The following FAM120C variants were observed in gnomAD, a reference collection of about 807,000 sequenced individuals.
FAM120C encodes the protein family with sequence similarity 120 member C, also known as constitutive coactivator of PPAR-gamma-like protein 2.
In FAM120C, 14 loss-of-function variants were observed where a neutral mutation model predicts 71.2. That is an observed-to-expected ratio of 0.20 (90% CI 0.13 to 0.31). The LOEUF (loss-of-function observed/expected upper bound fraction) is 0.31. Ranked by LOEUF, FAM120C falls within the 10% of genes least tolerant of loss-of-function variation. The pLI, the probability that FAM120C is intolerant of heterozygous loss-of-function variation, is 1.00. For missense variants in FAM120C, 500 were observed against 879.0 expected (o/e 0.57, Z 5.45); for synonymous variants, 354 against 353.2 (o/e 1.00, Z -0.03).
rs782117997 is a variant in FAM120C at position 54,116,739 on chromosome X, G to C, written c.2118C>G (p.Thr706=). The change falls in exon 10 of 16, where the codon ACC becomes ACG. Residue 706 remains threonine (T), a synonymous_variant. Transcript: ENST00000375180. Reference sequence around the variant, plus strand: ...ATGTCAGTGCAGACACCAGCTCAGGGGTTTGAGGTGACTTCCCTTTATAGG... The same window carrying C: ...ATGTCAGTGCAGACACCAGCTCAGGCGTTTGAGGTGACTTCCCTTTATAGG... The part of the protein sequence containing the change: ...WSAYKGKSPQ[T]PELVSALTFR... 2.4e-5 allele frequency: 29 copies of C among 1,209,481 alleles called. No individual in the cohort carries two copies. In the Admixed American group the frequency reaches 3.3e-4, roughly 14 times the overall value.
intron 13 of FAM120C, among the ~76,000 whole-genome samples, chrX:54,084,857 T>C (rs1557121759): frequency 8.9e-6 from 1 of 111,965 alleles, no homozygotes. Context: ...CATATGTTTG[T>C]GTGTACATAT....
chrX:54,078,319 G>C (rs1029510286), intron 15 of FAM120C, among the ~76,000 whole-genome samples: 2 of 110,860 alleles, frequency 1.8e-5, no homozygotes, highest in Non-Finnish European at 3.8e-5. Flanking sequence ...GAATCGCGGT[G>C]AATTCACCAA....
intron 1 of FAM120C, among the ~76,000 whole-genome samples, chrX:54,176,432 C>CAAA (rs1197918401): frequency 1.6e-4 from 6 of 36,397 alleles, no homozygotes; most frequent in Non-Finnish European, 1.6e-4. Flanking sequence ...GACTCTGTCT[C>CAAA]AAAAAAAAAA....
At chrX:54,093,850 GAATTT>G (rs1161118523) in intron 10 of FAM120C, among the ~76,000 whole-genome samples, 1 of 111,468 alleles carries the variant, frequency 9.0e-6, no homozygotes, top group East Asian at 2.8e-4. Flanking sequence ...GGAATTTCCT[GAATTT>G]TAATGATGAC....
rs1557121282 is a variant in FAM120C, at chrX:54,081,449, T to C, written c.2851A>G (p.Ile951Val). 4.1e-6 allele frequency: 5 copies of C among 1,207,300 alleles called. No individual in the cohort carries two copies. Among genetic ancestry groups the C allele is most frequent in the South Asian group, 3.5e-5 (2 of 56,419 alleles). The change falls in exon 14 of 16, where the codon ATC becomes GTC. Residue 951 changes from isoleucine (I) to valine (V), a missense_variant. Coordinates refer to ENST00000375180, the MANE Select transcript of FAM120C (RefSeq NM_017848.6). ...TCCAGTTTTCCTCCTTGGGGTGGGATTGGATGGAGACCTGGCAAGATAGAA... is the reference window on the plus strand; with the variant it reads ...TCCAGTTTTCCTCCTTGGGGTGGGACTGGATGGAGACCTGGCAAGATAGAA... The part of the protein sequence containing the change: ...RSRGFAGLHP[I>V]PPQGGKLEIA...
At chrX:54,173,901 T>C (rs1557136305) in intron 1 of FAM120C, 1 of 358,045 alleles carries the variant, frequency 2.8e-6, no homozygotes, top group South Asian at 7.1e-5. Flanking sequence ...CTGGGTCCTC[T>C]GGCTCAAGGT....
At chrX:54,118,782 T>C (rs1283989265) in intron 9 of FAM120C, among the ~76,000 whole-genome samples, 1 of 61,778 alleles carries the variant, frequency 1.6e-5, no homozygotes, top group Non-Finnish European at 3.0e-5. Flanking sequence ...GTTACATATG[T>C]ATACATGTGC....
At chrX:54,138,527 A>G (rs1363307943) in intron 4 of FAM120C, among the ~76,000 whole-genome samples, 1 of 101,682 alleles carries the variant, frequency 9.8e-6, no homozygotes, top group Admixed American at 1.1e-4. Flanking sequence ...GAGTACATAT[A>G]AAGTTCAGGT....
chrX:54,118,803 C>T (rs1280713254), intron 9 of FAM120C, among the ~76,000 whole-genome samples: 4 of 54,086 alleles, frequency 7.4e-5, no homozygotes, highest in Admixed American at 5.5e-4. Context: ...CATGCTGGTG[C>T]GCTGCACCCA....
chrX:54,133,662 T>C (rs1274728423), intron 8 of FAM120C, 111 bp downstream of exon 8: 1 of 909,102 alleles, frequency 1.1e-6, no homozygotes, highest in African/African-American at 2.0e-5. Context: ...GTGGCCTTCT[T>C]TTTCTAACTT....
chrX:54,084,968 T>C (rs1046533101), intron 13 of FAM120C, among the ~76,000 whole-genome samples: 1 of 111,372 alleles, frequency 9.0e-6, no homozygotes, highest in Admixed American at 9.7e-5. Context: ...GGAAGGGAAA[T>C]GTGTCAAGTA....
At chrX:54,094,115 G>T (rs1044267469) in intron 10 of FAM120C, among the ~76,000 whole-genome samples, 5 of 91,635 alleles carry the variant, frequency 5.5e-5, no homozygotes, top group Non-Finnish European at 8.5e-5. Flanking sequence ...TTCTGAGACG[G>T]AGTCTCGCTC....
At position 54,182,860 on chromosome X, in the gene FAM120C, C is replaced by G. The variant is rs781868700; in HGVS notation, c.339G>C (p.Leu113=). ...CGTCCACCAGCACCCGGGCCCCGGG[C>G]AGCTGAGGGGGCGGCGGCGGCGGCA... is the stretch of plus-strand genomic sequence containing the variant. ...PPLPPPPPPQ[L]PGARVLVDAG... The change falls in exon 1 of 16, where the codon CTG becomes CTC. Residue 113 remains leucine, a synonymous_variant. Transcript: ENST00000375180. 8.7e-7 allele frequency: 1 copy of G among 1,145,640 alleles called. No homozygotes were observed. Among genetic ancestry groups the G allele is most frequent in the East Asian group, 3.1e-5 (1 of 31,979 alleles). 94.4% of individuals were successfully genotyped at this position (1,145,640 alleles called of 1,213,427 possible). A position where few individuals can be genotyped will look rare whatever the true frequency, so the allele number is the denominator to read the frequency against.
At chrX:54,080,351 T>C in intron 14 of FAM120C, 62 bp from the exon 15 acceptor site, 1 of 948,210 alleles carries the variant, frequency 1.1e-6, no homozygotes, top group Non-Finnish European at 1.5e-6. Context: ...CCCTTTTCAC[T>C]TGGTTAACTA....
intron 1 of FAM120C, among the ~76,000 whole-genome samples, chrX:54,173,095 A>T (rs186896560): frequency 8.9e-6 from 1 of 112,631 alleles, no homozygotes; most frequent in African/African-American, 3.2e-5. Flanking sequence ...ACTACTGCTT[A>T]AAAAAGCTTT....
At chrX:54,133,496 T>A (rs1202633920) in intron 8 of FAM120C, among the ~76,000 whole-genome samples, 3 of 111,900 alleles carry the variant, frequency 2.7e-5, no homozygotes, top group Admixed American at 9.5e-5. Context: ...CCTCTTAGAC[T>A]GTGTCCATCC....
intron 10 of FAM120C, among the ~76,000 whole-genome samples, chrX:54,108,048 A>T (rs1015963095): frequency 3.8e-5 from 4 of 105,264 alleles, no homozygotes; most frequent in African/African-American, 7.0e-5. Context: ...ACCAGCATTC[A>T]AACTAAGGTC....
At chrX:54,079,652 C>T (rs1395224710) in intron 15 of FAM120C, among the ~76,000 whole-genome samples, 2 of 110,761 alleles carry the variant, frequency 1.8e-5, no homozygotes, top group Non-Finnish European at 3.8e-5. Flanking sequence ...ACAAAATTAG[C>T]CGGGCGTGGT....
intron 1 of FAM120C, among the ~76,000 whole-genome samples, chrX:54,172,292 C>T (rs1450403456): frequency 8.9e-6 from 1 of 112,128 alleles, no homozygotes; most frequent in Non-Finnish European, 1.9e-5. Context: ...AGCCAATCAA[C>T]CTCCATGTCA....
Sources: gnomAD v4.1 joint callset for allele counts (sites outside exome capture counted in the v4.1 genomes callset) on GRCh38, gnomAD v4.1.1 for gene constraint, MANE v1.5 for transcripts, NCBI Gene and HGNC (gene_info 2026-07-23, HGNC 2026-07-21) for gene names.